EPHA6: variants seen among roughly 807,000 people sequenced by gnomAD.
The protein encoded by EPHA6 is EPH receptor A6.
Under a neutral mutation model 112.0 loss-of-function variants are expected in EPHA6, and 50 were observed. That is an observed-to-expected ratio of 0.45 (90% CI 0.36 to 0.56). The LOEUF (loss-of-function observed/expected upper bound fraction) is 0.56. EPHA6 is among the 20% of genes least tolerant of loss of function. The pLI is 0.00. For synonymous variants in EPHA6, 529 were observed against 490.7 expected (o/e 1.08, Z -1.03); for missense variants, 1,280 against 1,417.4 (o/e 0.90, Z 1.56).
At chr3:97,486,374 G>A (rs754407950) in intron 10 of EPHA6, among the ~76,000 whole-genome samples, 28 of 152,294 alleles carry the variant, frequency 1.8e-4, no homozygotes, top group East Asian at 5.8e-4. Flanking sequence ...GCCCCTGGCC[G>A]TACTGCTCTG....
At chr3:97,243,758 CT>C (rs2078914113) in intron 4 of EPHA6, among the ~76,000 whole-genome samples, 193 bp from the exon 5 acceptor site, 1 of 151,644 alleles carries the variant, frequency 6.6e-6, no homozygotes, top group Non-Finnish European at 1.5e-5. Context: ...TGATATAGAT[CT>C]TCATTCCTCA....
chr3:96,940,763 T>G (rs2040893782), intron 2 of EPHA6, among the ~76,000 whole-genome samples: 1 of 152,188 alleles, frequency 6.6e-6, no homozygotes, highest in South Asian at 2.1e-4. Context: ...TGTTTAGTGC[T>G]TCCTTCAGGA....
intron 11 of EPHA6, among the ~76,000 whole-genome samples, chr3:97,564,026 T>C (rs911740451): frequency 1.3e-5 from 2 of 152,124 alleles, no homozygotes; most frequent in African/African-American, 4.8e-5. Flanking sequence ...CATGAAATGT[T>C]TTCATCTCAC....
intron 3 of EPHA6, among the ~76,000 whole-genome samples, chr3:97,135,026 G>A (rs752601158): frequency 1.1e-4 from 17 of 152,174 alleles, no homozygotes; most frequent in Non-Finnish European, 1.6e-4. Flanking sequence ...CTCTCCCTGC[G>A]TTTGCTGTTT....
chr3:97,461,540 ATAT>A (rs1424763336), intron 7 of EPHA6, among the ~76,000 whole-genome samples: 1 of 152,158 alleles, frequency 6.6e-6, no homozygotes, highest in Non-Finnish European at 1.5e-5. Context: ...ATTAATACTG[ATAT>A]TATTGTTACT....
chr3:97,513,824 C>T (rs867542328), intron 10 of EPHA6, among the ~76,000 whole-genome samples: 25 of 151,836 alleles, frequency 1.6e-4, no homozygotes, highest in African/African-American at 4.8e-4. Flanking sequence ...CACTATGCCC[C>T]ATAAATTTGT....
chr3:97,444,527 C>T (rs1304644408), intron 6 of EPHA6, among the ~76,000 whole-genome samples: 4 of 152,088 alleles, frequency 2.6e-5, no homozygotes, highest in Non-Finnish European at 5.9e-5. Context: ...TTATACATAC[C>T]ATGAGATTCA....
intron 11 of EPHA6, among the ~76,000 whole-genome samples, chr3:97,588,281 C>T (rs1196552352): frequency 6.6e-6 from 1 of 152,070 alleles, no homozygotes; most frequent in African/African-American, 2.4e-5. Flanking sequence ...AGAAGAGGAC[C>T]AAACACAGTA....
intron 11 of EPHA6, among the ~76,000 whole-genome samples, chr3:97,582,559 C>T (rs1269220051): frequency 6.6e-5 from 10 of 152,122 alleles, no homozygotes; most frequent in Non-Finnish European, 1.2e-4. Context: ...CACCCTACCA[C>T]CAGTACCATT....
chr3:97,226,502 G>A (rs1016123144), intron 4 of EPHA6, 83 bp downstream of exon 4: 17 of 1,309,860 alleles, frequency 1.3e-5, no homozygotes, highest in South Asian at 6.2e-5. Context: ...ATAAGTAAAT[G>A]TACAAAATCT....
intron 1 of EPHA6, among the ~76,000 whole-genome samples, chr3:96,831,603 T>C (rs1296417712): frequency 6.6e-6 from 1 of 152,030 alleles, no homozygotes; most frequent in African/African-American, 2.4e-5. Flanking sequence ...GTTTAAGTTC[T>C]AGGATACATG....
At chr3:97,279,774 G>A (rs912607898) in intron 5 of EPHA6, among the ~76,000 whole-genome samples, 4 of 152,184 alleles carry the variant, frequency 2.6e-5, no homozygotes, top group African/African-American at 9.7e-5. Flanking sequence ...AAAGGTCAGA[G>A]ATATTAGATC....
At chr3:97,275,831 T>TG (rs1385014075) in intron 5 of EPHA6, among the ~76,000 whole-genome samples, 2 of 149,616 alleles carry the variant, frequency 1.3e-5, no homozygotes, top group Non-Finnish European at 3.0e-5. Flanking sequence ...TGGGTTAAGG[T>TG]GGGGGGATAT....
chr3:97,282,713 T>A (rs1231382869), intron 5 of EPHA6, among the ~76,000 whole-genome samples: 1 of 152,040 alleles, frequency 6.6e-6, no homozygotes, highest in African/African-American at 2.4e-5. Flanking sequence ...TGGAAGCCAT[T>A]ATCTTCACCA....
At chr3:97,032,589 A>G (rs1331121097) in intron 3 of EPHA6, among the ~76,000 whole-genome samples, 12 of 152,014 alleles carry the variant, frequency 7.9e-5, no homozygotes, top group Admixed American at 7.9e-4. Flanking sequence ...TACTTGTTAG[A>G]CTCAGGACCT....
intron 3 of EPHA6, among the ~76,000 whole-genome samples, chr3:97,054,375 G>T (rs2045785513): frequency 6.6e-6 from 1 of 152,100 alleles, no homozygotes; most frequent in Non-Finnish European, 1.5e-5. Flanking sequence ...TCACAAACGT[G>T]ATTGCTATGA....
intron 5 of EPHA6, among the ~76,000 whole-genome samples, chr3:97,307,310 C>A (rs2081361281): frequency 6.6e-6 from 1 of 151,644 alleles, no homozygotes; most frequent in Non-Finnish European, 1.5e-5. Context: ...GGGTCAGATG[C>A]CCCAGATTCA....
Position 97,592,718 on chromosome 3 carries a change from G to T in EPHA6, c.2493G>T (p.Leu831Phe). The T allele has an allele frequency of 6.3e-7, 1 of 1,599,914 alleles. No individual in the cohort carries two copies. Among genetic ancestry groups the T allele is most frequent in the South Asian group, 1.1e-5 (1 of 88,452 alleles). The change falls in exon 12 of 18, where the codon TTG becomes TTT. Residue 831 changes from leucine (L) to phenylalanine (F), a missense_variant. Physicochemically the swap from Leu to Phe is conservative, Grantham distance 22. Around this residue, in one of 4 missense-constraint regions of EPHA6, gnomAD observed 878 missense variants for 999.7 expected, o/e 0.88. Coordinates refer to ENST00000389672, the MANE Select transcript of EPHA6 (RefSeq NM_001080448.3). ...APHPVPGGGS[L>F]PPRIPAGRPV... is the part of the protein sequence containing the mutation. ...ATCCAGTGCCAGGGGGAGGATCTTT[G>T]CCCCCCAGGATTCCTGCTGGTAGGT...
intron 1 of EPHA6, among the ~76,000 whole-genome samples, chr3:96,821,011 C>T (rs1011189054): frequency 6.6e-5 from 10 of 151,758 alleles, no homozygotes; most frequent in African/African-American, 2.4e-4. Context: ...AATGTGTTTT[C>T]AGATACTTTC....
Sources: gnomAD v4.1 joint callset for allele counts (sites outside exome capture counted in the v4.1 genomes callset) on GRCh38, gnomAD v4.1.1 for gene constraint, gnomAD v4.1.1 regional missense constraint, MANE v1.5 for transcripts, NCBI Gene and HGNC (gene_info 2026-07-23, HGNC 2026-07-21) for gene names.